KHDRBS2: variants seen among roughly 807,000 people sequenced by gnomAD.
KHDRBS2 encodes KH RNA binding domain containing, signal transduction associated 2.
KHDRBS2 carries 26 observed loss-of-function variants against 44.3 expected under a neutral mutation model. That is an observed-to-expected ratio of 0.59 (90% CI 0.43 to 0.81). The LOEUF (loss-of-function observed/expected upper bound fraction) is 0.81. KHDRBS2 is among the 40% of genes least tolerant of loss of function. The probability of loss-of-function intolerance (pLI) is 0.00; values close to 1 mark genes in which losing one functional copy is unlikely to be tolerated. For synonymous variants in KHDRBS2, 194 were observed against 151.1 expected (o/e 1.28, Z -2.08); for missense variants, 476 against 433.1 (o/e 1.10, Z -0.88).
chr6:62,249,463 T>C (rs1479143363), intron 1 of KHDRBS2, among the ~76,000 whole-genome samples: 1 of 152,034 alleles, frequency 6.6e-6, no homozygotes, highest in Non-Finnish European at 1.5e-5. Flanking sequence ...CATATATTAA[T>C]GTACCAAAAT....
At chr6:61,627,182 G>A in the KHDRBS2 span, among the ~76,000 whole-genome samples, 2 of 143,704 alleles carry the variant, frequency 1.4e-5, no homozygotes, top group East Asian at 4.2e-4. Context: ...GAACCTGGGA[G>A]GCGGAGCTTG....
At chr6:61,569,564 C>T in the KHDRBS2 span, among the ~76,000 whole-genome samples, 6 of 152,184 alleles carry the variant, frequency 3.9e-5, no homozygotes, top group African/African-American at 1.4e-4. Context: ...CCTGCAACAT[C>T]CTGGCTAATC....
chr6:61,893,901 T>TAA (rs201415389), intron 6 of KHDRBS2, among the ~76,000 whole-genome samples: 3 of 142,534 alleles, frequency 2.1e-5, no homozygotes, highest in East Asian at 4.1e-4. Context: ...AGTATAATAA[T>TAA]AAAAAAAAAA....
chr6:61,809,273 T>A (rs1787711873), intron 6 of KHDRBS2, among the ~76,000 whole-genome samples: 1 of 152,140 alleles, frequency 6.6e-6, no homozygotes, highest in Admixed American at 6.6e-5. Context: ...TGGCTTCTGT[T>A]GTTCTGCTTC....
chr6:61,999,609 T>C (rs80327129), intron 3 of KHDRBS2, among the ~76,000 whole-genome samples: 1,530 of 152,222 alleles, frequency 0.01, 8 homozygotes, highest in Middle Eastern at 0.02. Context: ...TGCTTAAAAG[T>C]ACAAATATTT....
At chr6:62,232,471 G>C (rs1214890151) in intron 1 of KHDRBS2, among the ~76,000 whole-genome samples, 1 of 152,020 alleles carries the variant, frequency 6.6e-6, no homozygotes, top group Non-Finnish European at 1.5e-5. Flanking sequence ...TTCTAAGGAA[G>C]TAAGTTCAAA....
chr6:61,654,189 A>G, the KHDRBS2 span, among the ~76,000 whole-genome samples: 1 of 152,112 alleles, frequency 6.6e-6, no homozygotes, highest in Non-Finnish European at 1.5e-5. Context: ...CTAACATTTG[A>G]TAGACCAACC....
intron 6 of KHDRBS2, among the ~76,000 whole-genome samples, chr6:61,855,624 C>CTTTGTTTTGTTTTGTTTTGTTTTGT (rs3076295): frequency 3.3e-5 from 5 of 149,658 alleles, no homozygotes; most frequent in Admixed American, 2.0e-4. Flanking sequence ...ATGCCTGGTG[C>CTTTGTTTTGTTTTGTTTTGTTTTGT]TTTGTTTTGT....
At chr6:62,010,129 C>T (rs868251996) in intron 3 of KHDRBS2, among the ~76,000 whole-genome samples, 12 of 152,234 alleles carry the variant, frequency 7.9e-5, no homozygotes, top group South Asian at 2.1e-4. Flanking sequence ...GCCACAAGGA[C>T]GGAGCTGACC....
chr6:61,871,685 A>T (rs564552060), intron 6 of KHDRBS2, among the ~76,000 whole-genome samples: 4 of 152,332 alleles, frequency 2.6e-5, no homozygotes, highest in African/African-American at 9.6e-5. Context: ...GCCAGAAGAG[A>T]GTGGGGGCCA....
chr6:61,996,755 T>C (rs1373104568), intron 3 of KHDRBS2, among the ~76,000 whole-genome samples: 1 of 152,072 alleles, frequency 6.6e-6, no homozygotes, highest in African/African-American at 2.4e-5. Context: ...AAATATTAAA[T>C]AAACATACAC....
chr6:62,062,826 C>T (rs376176280), intron 2 of KHDRBS2, among the ~76,000 whole-genome samples: 4 of 147,672 alleles, frequency 2.7e-5, no homozygotes, highest in Admixed American at 6.8e-5. Context: ...TTCAAAAAAT[C>T]AATGAATCCA....
intron 1 of KHDRBS2, among the ~76,000 whole-genome samples, chr6:62,191,557 T>C (rs1488285494): frequency 1.3e-5 from 2 of 152,130 alleles, no homozygotes; most frequent in East Asian, 1.9e-4. Flanking sequence ...AAGGACCATA[T>C]CACATTTATT....
Position 61,680,981 on chromosome 6 carries a change from G to A in KHDRBS2, c.1032C>T (p.His344=). ...QRSARGGYRE[H]PYGRY ...AGGACCTTCAATATCTACCATAGGG[G>A]TGTTCCCTGTATCCCCCTCTGGCTG... The change falls in exon 9 of 9, where the codon CAC becomes CAT. Residue 344 remains histidine (H), a synonymous_variant. Transcript: ENST00000281156. The A allele has an allele frequency of 1.9e-6, 3 of 1,610,232 alleles. No individual in the cohort carries two copies. The highest frequency in any genetic ancestry group is 2.5e-6 in the Non-Finnish European group (3 of 1,177,344).
the KHDRBS2 span, among the ~76,000 whole-genome samples, chr6:61,552,983 C>T: frequency 1.3e-5 from 2 of 152,010 alleles, no homozygotes; most frequent in East Asian, 3.9e-4. Flanking sequence ...TGTGTCTCTG[C>T]CAGGGTTTTG....
chr6:62,001,627 A>G (rs1382025935), intron 3 of KHDRBS2, among the ~76,000 whole-genome samples: 1 of 152,098 alleles, frequency 6.6e-6, no homozygotes, highest in Non-Finnish European at 1.5e-5. Context: ...AAATATATTC[A>G]CTTTTCAATG....
intron 6 of KHDRBS2, among the ~76,000 whole-genome samples, chr6:61,738,766 T>A (rs1403400682): frequency 1.3e-5 from 2 of 151,982 alleles, no homozygotes; most frequent in Non-Finnish European, 2.9e-5. Flanking sequence ...TTTCTCAAAT[T>A]AATGAGGTCA....
intron 2 of KHDRBS2, among the ~76,000 whole-genome samples, chr6:62,060,507 AATG>A (rs1408331108): frequency 6.6e-6 from 1 of 151,728 alleles, no homozygotes; most frequent in Non-Finnish European, 1.5e-5. Flanking sequence ...AATTAGGAAA[AATG>A]ATGATTCTAG....
At chr6:61,639,100 C>T in the KHDRBS2 span, among the ~76,000 whole-genome samples, 5 of 152,070 alleles carry the variant, frequency 3.3e-5, no homozygotes, top group Admixed American at 1.3e-4. Context: ...AATACATAAA[C>T]AGTTTTTTAA....
Sources: gnomAD v4.1 joint callset for allele counts (sites outside exome capture counted in the v4.1 genomes callset) on GRCh38, gnomAD v4.1.1 for gene constraint, MANE v1.5 for transcripts, NCBI Gene and HGNC (gene_info 2026-07-23, HGNC 2026-07-21) for gene names.